ADAMTS16: variants seen among roughly 807,000 people sequenced by gnomAD.
ADAMTS16 encodes ADAM metallopeptidase with thrombospondin type 1 motif 16, also known as A disintegrin and metalloproteinase with thrombospondin motifs 16.
Under a neutral mutation model 145.8 loss-of-function variants are expected in ADAMTS16, and 94 were observed. The observed-to-expected ratio is 0.64, with a 90% CI of 0.55 to 0.77. The LOEUF (loss-of-function observed/expected upper bound fraction) is 0.77. Among genes scored for constraint, ADAMTS16 ranks in the 30% least tolerant of loss-of-function variants. The pLI, the probability that ADAMTS16 is intolerant of heterozygous loss-of-function variation, is 0.00. For missense variants in ADAMTS16, 1,585 were observed against 1,591.5 expected (o/e 1.00, Z 0.07); for synonymous variants, 659 against 604.3 (o/e 1.09, Z -1.33).
At chr5:5,162,688 A>G (rs1309217407) in intron 3 of ADAMTS16, among the ~76,000 whole-genome samples, 1 of 152,046 alleles carries the variant, frequency 6.6e-6, no homozygotes, top group Non-Finnish European at 1.5e-5. Flanking sequence ...ATCAGCTCCC[A>G]TGATTATATG....
intron 10 of ADAMTS16, among the ~76,000 whole-genome samples, chr5:5,218,511 G>A (rs924833481): frequency 6.6e-6 from 1 of 152,166 alleles, no homozygotes; most frequent in Admixed American, 6.5e-5. Flanking sequence ...CATGTGTTAC[G>A]GTGTGCTCCT....
At position 5,155,778 on chromosome 5, in the gene ADAMTS16, C is replaced by T. The variant is rs138834135; in HGVS notation, c.501+9323C>T. On this transcript the variant is annotated intron_variant, in intron 3 of 22. Transcript: ENST00000274181. ...CCACTGGGGACAAACAGGAAGTCCA[C>T]CCCTGGGAAAAACAGGAAGTGAGGG... Among the ~76,000 whole-genome samples the T allele has an allele frequency of 1.6e-4, 25 of 151,980 alleles. 1 individual carries two copies. In the East Asian group the frequency reaches 4.3e-3, roughly 26 times the overall value.
chr5:5,232,522 T>A lies in ADAMTS16; in HGVS notation c.1850+6T>A, dbSNP rs1329778829. The A allele has an allele frequency of 6.2e-7, 1 of 1,612,040 alleles. No homozygotes were observed. The highest frequency in any genetic ancestry group is 8.5e-7 in the Non-Finnish European group (1 of 1,179,726). On this transcript the variant is annotated splice_donor_region_variant and intron_variant, in intron 12 of 22. Transcript: ENST00000274181. ...CGCCTCTGCACCAACCCCAAGTAAG[T>A]ATGCCTTGACCTCCTTCCTCACAAA...
intron 18 of ADAMTS16, among the ~76,000 whole-genome samples, chr5:5,285,768 A>G (rs550838493): frequency 6.6e-6 from 1 of 152,358 alleles, no homozygotes; most frequent in South Asian, 2.1e-4. Flanking sequence ...ATGTCTGTTC[A>G]AGGCCACTTA....
intron 4 of ADAMTS16, among the ~76,000 whole-genome samples, 191 bp downstream of exon 4, chr5:5,182,496 G>A: frequency 6.6e-6 from 1 of 152,158 alleles, no homozygotes; most frequent in African/African-American, 2.4e-5. Flanking sequence ...TCTCTCCATG[G>A]CAGATGGATG....
chr5:5,258,895 T>C (rs899383207), intron 17 of ADAMTS16, among the ~76,000 whole-genome samples: 1 of 152,126 alleles, frequency 6.6e-6, no homozygotes, highest in East Asian at 1.9e-4. Flanking sequence ...TGTATGTATA[T>C]TTTTAAAAGG....
At chr5:5,291,337 T>A (rs1739308300) in intron 18 of ADAMTS16, among the ~76,000 whole-genome samples, 1 of 152,130 alleles carries the variant, frequency 6.6e-6, no homozygotes. Context: ...ATGTCTGGAA[T>A]CCTGTGGACC....
chr5:5,148,990 A>G (rs1214893561), intron 3 of ADAMTS16, among the ~76,000 whole-genome samples: 1 of 152,178 alleles, frequency 6.6e-6, no homozygotes, highest in Non-Finnish European at 1.5e-5. Context: ...TCCTCATAGT[A>G]AAGTTAGAAC....
intron 17 of ADAMTS16, among the ~76,000 whole-genome samples, chr5:5,251,526 A>G (rs1425833753): frequency 6.6e-6 from 1 of 152,246 alleles, no homozygotes; most frequent in African/African-American, 2.4e-5. Flanking sequence ...CTAAAAGTCT[A>G]AAACCTTTTC....
At chr5:5,306,463 G>GAGATTT in intron 20 of ADAMTS16, 41 bp from the exon 21 acceptor site, 1 of 1,569,944 alleles carries the variant, frequency 6.4e-7, no homozygotes, top group Non-Finnish European at 8.7e-7. Context: ...TGCAAAAAAA[G>GAGATTT]AGATTTTTTT....
intron 9 of ADAMTS16, among the ~76,000 whole-genome samples, chr5:5,205,937 A>AT (rs2126599565): frequency 1.3e-5 from 2 of 152,220 alleles, no homozygotes; most frequent in Admixed American, 6.5e-5. Context: ...CAGAGCAGAC[A>AT]TTTTTTATTT....
chr5:5,319,658 G>GCTC lies in ADAMTS16; in HGVS notation c.*534_*536dup, dbSNP rs1734208070. 2 of 350,426 alleles carry GCTC rather than the reference G, an allele frequency of 5.7e-6. No individual in the cohort carries two copies. Among genetic ancestry groups the GCTC allele is most frequent in the Non-Finnish European group, 1.1e-5 (2 of 181,350 alleles). 21.7% of individuals were successfully genotyped at this position (350,426 alleles called of 1,614,324 possible). On this transcript the variant is annotated 3_prime_UTR_variant, in exon 23 of 23. Coordinates refer to ENST00000274181, the MANE Select transcript of ADAMTS16 (RefSeq NM_139056.4). ...AGGGGAGCTCCAGGAGGCTGCCCAG[G>GCTC]CTCCTCCTCCTCCTCCCCAGCGGCC... is the stretch of plus-strand genomic sequence containing the variant.
intron 21 of ADAMTS16, among the ~76,000 whole-genome samples, chr5:5,315,024 G>A (rs1044678586): frequency 2.0e-5 from 3 of 152,216 alleles, no homozygotes; most frequent in African/African-American, 4.8e-5. Flanking sequence ...ATCTGAGATG[G>A]TCAATTTATA....
chr5:5,235,813 G>C (rs1173077614), intron 13 of ADAMTS16, among the ~76,000 whole-genome samples: 1 of 147,308 alleles, frequency 6.8e-6, no homozygotes, highest in African/African-American at 2.7e-5. Flanking sequence ...CTTGAAACTG[G>C]GAACATTGCC....
chr5:5,223,976 A>G (rs1463882226), intron 11 of ADAMTS16, among the ~76,000 whole-genome samples: 1 of 152,090 alleles, frequency 6.6e-6, no homozygotes, highest in Non-Finnish European at 1.5e-5. Context: ...AAGAAAATAT[A>G]TCACATCTTA....
chr5:5,303,951 G>T, intron 20 of ADAMTS16, 185 bp downstream of exon 20: 2 of 682,474 alleles, frequency 2.9e-6, no homozygotes, highest in Non-Finnish European at 2.4e-6. Flanking sequence ...CTTCTGAATC[G>T]TGTCCTGGGA....
At chr5:5,309,764 A>C (rs1263947446) in intron 21 of ADAMTS16, among the ~76,000 whole-genome samples, 1 of 151,942 alleles carries the variant, frequency 6.6e-6, no homozygotes, top group Non-Finnish European at 1.5e-5. Flanking sequence ...ACCCAAGCAC[A>C]CTGCTGGTTT....
chr5:5,197,264 T>A (rs1735830340), intron 8 of ADAMTS16, among the ~76,000 whole-genome samples: 1 of 152,220 alleles, frequency 6.6e-6, no homozygotes, highest in African/African-American at 2.4e-5. Context: ...TCATTAATAA[T>A]AAACAAATAC....
intron 10 of ADAMTS16, among the ~76,000 whole-genome samples, chr5:5,209,513 C>T (rs1736218986): frequency 6.6e-6 from 1 of 152,086 alleles, no homozygotes; most frequent in African/African-American, 2.4e-5. Flanking sequence ...TGTGGGAGCT[C>T]AGCAATAACT....
Sources: gnomAD v4.1 joint callset for allele counts (sites outside exome capture counted in the v4.1 genomes callset) on GRCh38, gnomAD v4.1.1 for gene constraint, MANE v1.5 for transcripts, NCBI Gene and HGNC (gene_info 2026-07-23, HGNC 2026-07-21) for gene names.